The following PDE4D variants were observed in gnomAD, a reference collection of about 807,000 sequenced individuals.
The protein encoded by PDE4D is phosphodiesterase 4D, also known as 3',5'-cyclic-AMP phosphodiesterase 4D.
In PDE4D, 24 loss-of-function variants were observed where a neutral mutation model predicts 87.4. That is an observed-to-expected ratio of 0.27 (90% CI 0.20 to 0.39). The LOEUF (loss-of-function observed/expected upper bound fraction) is 0.39, where lower values mean the gene tolerates loss of function less well. Among genes scored for constraint, PDE4D ranks in the 10% least tolerant of loss-of-function variants. The pLI is 1.00. For synonymous variants in PDE4D, 384 were observed against 383.2 expected, an observed-to-expected ratio of 1.00 and a Z score of -0.02; for missense variants, 714 against 1,041.0, an observed-to-expected ratio of 0.69 and a Z score of 4.32.
At chr5:59,392,491 ATGTG>A (rs922583880) in intron 1 of PDE4D, among the ~76,000 whole-genome samples, 1 of 133,500 alleles carries the variant, frequency 7.5e-6, no homozygotes, top group African/African-American at 3.0e-5. Context: ...CTTTATATAT[ATGTG>A]TGTGTGTCTA....
chr5:59,855,875 A>C (rs1745350477), intron 1 of PDE4D, among the ~76,000 whole-genome samples: 1 of 152,190 alleles, frequency 6.6e-6, no homozygotes, highest in Admixed American at 6.6e-5. Flanking sequence ...ACTATGAGTC[A>C]AGTATTCTAC....
At chr5:59,620,926 T>C (rs545065083) in intron 1 of PDE4D, among the ~76,000 whole-genome samples, 1 of 152,084 alleles carries the variant, frequency 6.6e-6, no homozygotes, top group East Asian at 1.9e-4. Flanking sequence ...TGGTTTATTA[T>C]AAAAAGATAA....
At chr5:60,189,106 C>G (rs566597323) in intron 1 of PDE4D, among the ~76,000 whole-genome samples, 1 of 152,102 alleles carries the variant, frequency 6.6e-6, no homozygotes, top group East Asian at 1.9e-4. Flanking sequence ...AACACTCACA[C>G]GTGCAATTTC....
chr5:59,432,965 G>T (rs1257250397), intron 1 of PDE4D, among the ~76,000 whole-genome samples: 1 of 152,006 alleles, frequency 6.6e-6, no homozygotes, highest in Non-Finnish European at 1.5e-5. Flanking sequence ...TTCATAATTT[G>T]GGAGAAACAT....
intron 2 of PDE4D, among the ~76,000 whole-genome samples, chr5:60,054,625 C>T (rs1393647479): frequency 6.6e-6 from 1 of 151,788 alleles, no homozygotes; most frequent in Non-Finnish European, 1.5e-5. Flanking sequence ...TATGTTTATA[C>T]CTATGTAGCA....
intron 1 of PDE4D, among the ~76,000 whole-genome samples, chr5:60,459,649 T>C (rs572597095): frequency 3.9e-5 from 6 of 151,996 alleles, no homozygotes; most frequent in Non-Finnish European, 8.8e-5. Flanking sequence ...CAGAAAGGGA[T>C]AAAAATGAAT....
chr5:59,131,366 T>C (rs1776235906), intron 5 of PDE4D, among the ~76,000 whole-genome samples: 1 of 152,198 alleles, frequency 6.6e-6, no homozygotes, highest in Non-Finnish European at 1.5e-5. Context: ...TATTGACTGA[T>C]ACACAAGTAC....
intron 5 of PDE4D, among the ~76,000 whole-genome samples, chr5:59,055,862 G>C (rs1344424745): frequency 6.6e-6 from 1 of 152,144 alleles, no homozygotes; most frequent in Non-Finnish European, 1.5e-5. Context: ...AATACTTGTT[G>C]AACCCCACCA....
At chr5:59,395,116 T>C (rs1408300241) in intron 1 of PDE4D, among the ~76,000 whole-genome samples, 1 of 151,642 alleles carries the variant, frequency 6.6e-6, no homozygotes, top group Non-Finnish European at 1.5e-5. Flanking sequence ...AGCACAGCAG[T>C]CTGAGATCAA....
intron 1 of PDE4D, among the ~76,000 whole-genome samples, chr5:60,494,151 G>A (rs751623293): frequency 5.3e-5 from 8 of 152,248 alleles, no homozygotes; most frequent in Middle Eastern, 3.4e-3. Context: ...AGAAATGATC[G>A]TATATTTGAA....
intron 2 of PDE4D, among the ~76,000 whole-genome samples, chr5:59,214,643 A>G (rs1488964068): frequency 6.6e-6 from 1 of 152,226 alleles, no homozygotes; most frequent in Non-Finnish European, 1.5e-5. Context: ...GTGTGAATGA[A>G]TAAGTAAGTG....
intron 3 of PDE4D, among the ~76,000 whole-genome samples, chr5:59,905,641 C>T (rs1312610678): frequency 6.6e-6 from 1 of 151,978 alleles, no homozygotes; most frequent in East Asian, 1.9e-4. Flanking sequence ...ATCAACTTTG[C>T]AATGTTACTG....
intron 11 of PDE4D, among the ~76,000 whole-genome samples, chr5:58,981,777 T>C (rs1262054315): frequency 6.6e-6 from 1 of 152,178 alleles, no homozygotes; most frequent in East Asian, 1.9e-4. Context: ...GTGAAGGGTA[T>C]GGGTTATTAG....
intron 1 of PDE4D, among the ~76,000 whole-genome samples, chr5:59,428,489 A>C (rs1795644341): frequency 6.6e-6 from 1 of 152,070 alleles, no homozygotes; most frequent in South Asian, 2.1e-4. Flanking sequence ...CACAACCGAG[A>C]TGATATGAAA....
intron 1 of PDE4D, among the ~76,000 whole-genome samples, chr5:60,279,901 T>C (rs1469963025): frequency 1.3e-5 from 2 of 151,978 alleles, no homozygotes; most frequent in Non-Finnish European, 2.9e-5. Context: ...AGGCTATTCT[T>C]GAACTCCTGA....
chr5:60,034,378 G>A (rs1297571575), intron 2 of PDE4D, among the ~76,000 whole-genome samples: 2 of 152,172 alleles, frequency 1.3e-5, no homozygotes, highest in Non-Finnish European at 2.9e-5. Context: ...AGATGCCAAT[G>A]GGGGATTCAT....
chr5:59,537,199 A>G (rs1038062893), intron 1 of PDE4D, among the ~76,000 whole-genome samples: 1 of 152,216 alleles, frequency 6.6e-6, no homozygotes, highest in Non-Finnish European at 1.5e-5. Context: ...AGAAGATGAG[A>G]TTTCCATAAA....
In PDE4D at chr5:58,977,349, T is replaced by C. The variant is rs765804658; in HGVS notation, c.1553-4A>G. 6.9e-6 allele frequency: 11 copies of C among 1,599,972 alleles called. No homozygotes were observed. The highest frequency in any genetic ancestry group is 9.3e-6 in the Non-Finnish European group (11 of 1,176,796). On this transcript the variant is annotated splice_region_variant and splice_polypyrimidine_tract_variant and intron_variant, in intron 11 of 14. Transcript: ENST00000340635. Reference sequence around the variant, plus strand: ...TACATCAAGGCAAGTTCAGAGTCTGTAAAAAAGACAAAAGGCCAAAGATCA... The same window carrying C: ...TACATCAAGGCAAGTTCAGAGTCTGCAAAAAAGACAAAAGGCCAAAGATCA...
intron 2 of PDE4D, among the ~76,000 whole-genome samples, chr5:60,128,927 A>T (rs1779349340): frequency 6.6e-6 from 1 of 152,220 alleles, no homozygotes; most frequent in African/African-American, 2.4e-5. Context: ...TTTTCCTGTC[A>T]AACAGTATAA....
Sources: allele counts gnomAD v4.1 joint callset (sites outside exome capture counted in the v4.1 genomes callset), GRCh38; gene constraint gnomAD v4.1.1; transcripts MANE v1.5; gene names NCBI Gene and HGNC (gene_info 2026-07-23, HGNC 2026-07-21).